ICA1L: variants seen among roughly 807,000 people sequenced by gnomAD.
ICA1L encodes the protein islet cell autoantigen 1 like.
Under a neutral mutation model 61.3 loss-of-function variants are expected in ICA1L, and 50 were observed. The ratio of observed to expected loss-of-function variants is 0.82; its 90% CI spans 0.65 to 1.03. The LOEUF is 1.03. ICA1L is among the 50% of genes least tolerant of loss of function. ICA1L has a pLI of 0.00. For synonymous variants in ICA1L, 161 were observed against 191.3 expected (o/e 0.84, Z 1.31); for missense variants, 508 against 556.7 (o/e 0.91, Z 0.88).
chr2:202,774,598 A>AGAGGGGGTCACATGG lies in ICA1L; in HGVS notation c.*4920_*4934dup, dbSNP rs1692161090. 1 of 290,032 alleles carries AGAGGGGGTCACATGG rather than the reference A, an allele frequency of 3.4e-6. No homozygotes were observed. Among genetic ancestry groups the AGAGGGGGTCACATGG allele is most frequent in the Non-Finnish European group, 6.3e-6 (1 of 158,292 alleles). The allele number at this position is 290,032 out of a possible 1,614,324, so 18.0% of individuals were successfully genotyped here. ...TAGAGAGACCAGTCACTGCATGCTG[A>AGAGGGGGTCACATGG]GAGGGGGTCACATGGGAGGGGGCTC... On this transcript the variant is annotated 3_prime_UTR_variant, in exon 13 of 13. Coordinates refer to ENST00000358299, the MANE Select transcript of ICA1L (RefSeq NM_001288622.3).
At chr2:202,814,613 G>A in intron 8 of ICA1L, 89 bp downstream of exon 8, 1 of 825,362 alleles carries the variant, frequency 1.2e-6, no homozygotes. Context: ...TAAATATTCA[G>A]TAAGAGAAGA....
intron 1 of ICA1L, 150 bp from the exon 2 acceptor site, chr2:202,829,166 G>A (rs894837413): frequency 6.4e-6 from 3 of 469,308 alleles, no homozygotes; most frequent in Non-Finnish European, 1.1e-5. Flanking sequence ...GGCTAACACG[G>A]TGAAACCCTG....
intron 1 of ICA1L, among the ~76,000 whole-genome samples, chr2:202,838,516 T>G (rs913844070): frequency 1.7e-4 from 26 of 152,288 alleles, no homozygotes; most frequent in African/African-American, 6.3e-4. Context: ...TTGTTGACAG[T>G]GGGGTATTAA....
intron 10 of ICA1L, among the ~76,000 whole-genome samples, chr2:202,791,871 CTG>C (rs1248537399): frequency 6.6e-6 from 1 of 150,874 alleles, no homozygotes; most frequent in Non-Finnish European, 1.5e-5. Context: ...ACTAGAATAA[CTG>C]TTACTTAAAA....
chr2:202,866,639 T>A (rs1161731797), intron 1 of ICA1L, among the ~76,000 whole-genome samples: 1 of 152,286 alleles, frequency 6.6e-6, no homozygotes, highest in East Asian at 1.9e-4. Context: ...CAGACTTAAA[T>A]GTAAAATTTA....
chr2:202,782,531 C>A (rs900538212), intron 12 of ICA1L, among the ~76,000 whole-genome samples: 1 of 151,780 alleles, frequency 6.6e-6, no homozygotes, highest in African/African-American at 2.4e-5. Flanking sequence ...GCCTCAGCCT[C>A]CCAAGTAGCT....
chr2:202,840,007 T>A (rs577739631), intron 1 of ICA1L, among the ~76,000 whole-genome samples: 39 of 151,742 alleles, frequency 2.6e-4, no homozygotes, highest in African/African-American at 9.4e-4. Context: ...ACAATTTACA[T>A]CTTTTTATAT....
chr2:202,787,741 C>T (rs946616347), intron 11 of ICA1L, among the ~76,000 whole-genome samples: 1 of 152,062 alleles, frequency 6.6e-6, no homozygotes, highest in African/African-American at 2.4e-5. Flanking sequence ...CGTGAGGGGT[C>T]CCCCCGTCCA....
intron 1 of ICA1L, among the ~76,000 whole-genome samples, chr2:202,852,175 C>T (rs764123384): frequency 6.6e-6 from 1 of 151,928 alleles, no homozygotes; most frequent in Non-Finnish European, 1.5e-5. Context: ...TAGGTCTTTA[C>T]TATTTAGGTC....
chr2:202,820,139 C>T, intron 4 of ICA1L: 3 of 436,184 alleles, frequency 6.9e-6, no homozygotes, highest in Non-Finnish European at 1.3e-5. Flanking sequence ...TTTGGGAGGC[C>T]AAGGTGGGCA....
intron 12 of ICA1L, among the ~76,000 whole-genome samples, chr2:202,779,943 T>A (rs1273170981): frequency 6.6e-6 from 1 of 151,460 alleles, no homozygotes; most frequent in Non-Finnish European, 1.5e-5. Context: ...CTGCTCCTGG[T>A]TTAAGATAAT....
chr2:202,862,367 C>T (rs1054479797), intron 1 of ICA1L, among the ~76,000 whole-genome samples: 3 of 145,030 alleles, frequency 2.1e-5, no homozygotes, highest in Non-Finnish European at 4.5e-5. Context: ...GTGGGAGGAT[C>T]ACTTGAGCCC....
intron 1 of ICA1L, among the ~76,000 whole-genome samples, chr2:202,859,125 C>A (rs1694840298): frequency 6.6e-6 from 1 of 152,076 alleles, no homozygotes; most frequent in African/African-American, 2.4e-5. Context: ...TGAAATGAAG[C>A]CTTACTACAA....
At position 202,774,468 on chromosome 2, in the gene ICA1L, A is replaced by G. The variant is rs1302013335; in HGVS notation, c.*5065T>C. On this transcript the variant is annotated 3_prime_UTR_variant, in exon 13 of 13. Coordinates refer to ENST00000358299, the MANE Select transcript of ICA1L (RefSeq NM_001288622.3). ...AGCTCAAGAAACAACTTTTTCTTTC[A>G]TGTTTTTTGTATGTGTTTTTTTAGG... 8.0e-6 allele frequency: 4 copies of G among 497,902 alleles called. No individual in the cohort carries two copies. Among genetic ancestry groups the G allele is most frequent in the Non-Finnish European group, 1.3e-5 (4 of 299,894 alleles). The allele number at this position is 497,902 out of a possible 1,614,324, so 30.8% of individuals were successfully genotyped here.
intron 9 of ICA1L, among the ~76,000 whole-genome samples, chr2:202,809,780 TTC>T (rs1693323163): frequency 6.6e-6 from 1 of 151,942 alleles, no homozygotes; most frequent in Non-Finnish European, 1.5e-5. Context: ...CAGATTGAAA[TTC>T]TGTCTCAAAA....
chr2:202,825,624 T>A, intron 3 of ICA1L, 71 bp downstream of exon 3: 1 of 1,340,134 alleles, frequency 7.5e-7, no homozygotes, highest in South Asian at 1.4e-5. Flanking sequence ...TTACATTAAA[T>A]CTTTCATTTT....
chr2:202,811,185 CAT>C (rs1693366805), intron 9 of ICA1L, among the ~76,000 whole-genome samples: 2 of 152,242 alleles, frequency 1.3e-5, no homozygotes, highest in Admixed American at 1.3e-4. Context: ...AAGCTGCTGA[CAT>C]GTGATGTTTC....
chr2:202,824,728 T>C (rs892657700), intron 3 of ICA1L, among the ~76,000 whole-genome samples: 5 of 151,880 alleles, frequency 3.3e-5, no homozygotes, highest in African/African-American at 7.3e-5. Flanking sequence ...ATTAGAGAGG[T>C]AGCCATGTCC....
chr2:202,820,001 C>A, intron 4 of ICA1L, 102 bp from the exon 5 acceptor site: 3 of 853,534 alleles, frequency 3.5e-6, no homozygotes, highest in Non-Finnish European at 5.5e-6. Flanking sequence ...CAAGATGAAT[C>A]TACAAGTAAA....
Sources: allele counts gnomAD v4.1 joint callset (sites outside exome capture counted in the v4.1 genomes callset), GRCh38; gene constraint gnomAD v4.1.1; transcripts MANE v1.5; gene names NCBI Gene and HGNC (gene_info 2026-07-23, HGNC 2026-07-21).